TCN1: variants seen among roughly 807,000 people sequenced by gnomAD.
TCN1 encodes transcobalamin 1.
Under a neutral mutation model 46.3 loss-of-function variants are expected in TCN1, and 47 were observed. The observed-to-expected ratio is 1.01, with a 90% confidence interval of 0.80 to 1.29. TCN1 has a LOEUF of 1.29. TCN1 is among the 50% of genes most tolerant of loss of function. The probability of loss-of-function intolerance (pLI) is 0.00; values close to 1 mark genes in which losing one functional copy is unlikely to be tolerated. For missense variants in TCN1, 532 were observed against 511.0 expected, an observed-to-expected ratio of 1.04 and a Z score of -0.40; for synonymous variants, 183 against 192.5, an observed-to-expected ratio of 0.95 and a Z score of 0.41.
rs756143799 is a variant in TCN1 at position 59,853,271 on chromosome 11, C to T, written c.1172G>A (p.Gly391Asp). The T allele has an allele frequency of 5.0e-6, 8 of 1,614,098 alleles. No homozygotes were observed. Among genetic ancestry groups the T allele is most frequent in the South Asian group, 2.2e-5 (2 of 91,074 alleles). ...TCTGTCATTATTGTTGGCACATAGG[C>T]CCTGAATACAGGTGATATAGGGCCC... ...SWGPYITCIQ[G>D]LCANNNDRTY... The change falls in exon 8 of 9, where the codon GGC becomes GAC. Residue 391 changes from glycine to aspartate, a missense_variant. By Grantham distance (94) the Gly-to-Asp change is moderately conservative (BLOSUM62 -1). Transcript: ENST00000257264.
intron 2 of TCN1, 61 bp from the exon 3 acceptor site, chr11:59,862,783 A>G: frequency 6.3e-7 from 1 of 1,597,236 alleles, no homozygotes; most frequent in Non-Finnish European, 8.6e-7. Flanking sequence ...GGGCCTCCTG[A>G]TTTCCTTGAG....
rs757711455 is a variant in TCN1 at position 59,866,382 on chromosome 11, G to T, written c.79+10C>A. 1 of 1,612,940 alleles carries T rather than the reference G, an allele frequency of 6.2e-7. No homozygotes were observed. Among genetic ancestry groups the T allele is most frequent in the South Asian group, 1.1e-5 (1 of 91,058 alleles). ...CACTCTAGAGTAATTTTAGCTCAAA[G>T]TTTACTCACCACAAATCTCGCATAG... On this transcript the variant is annotated intron_variant, in intron 1 of 8. Coordinates refer to ENST00000257264, the MANE Select transcript of TCN1 (RefSeq NM_001062.4).
intron 3 of TCN1, 116 bp downstream of exon 3, chr11:59,862,466 C>T (rs1853025419): frequency 1.5e-6 from 2 of 1,309,434 alleles, no homozygotes; most frequent in Non-Finnish European, 2.2e-6. Flanking sequence ...CCCTCAAAGA[C>T]ATAGTGAGAT....
At chr11:59,865,050 G>T (rs912304883) in intron 1 of TCN1, among the ~76,000 whole-genome samples, 1 of 152,128 alleles carries the variant, frequency 6.6e-6, no homozygotes, top group South Asian at 2.1e-4. Context: ...AGAAACCACC[G>T]AATAAACTGT....
chr11:59,864,175 G>A, intron 1 of TCN1, 89 bp from the exon 2 acceptor site: 1 of 1,454,020 alleles, frequency 6.9e-7, no homozygotes, highest in Admixed American at 1.7e-5. Context: ...TTTAGTAACA[G>A]ATATGGCACA....
chr11:59,856,007 G>T lies in TCN1; in HGVS notation c.799C>A (p.Gln267Lys). Residue 267 changes from glutamine to lysine, a missense_variant, in exon 6 of 9, where the codon CAA becomes AAA. Coordinates refer to ENST00000257264, the MANE Select transcript of TCN1 (RefSeq NM_001062.4). Reference protein sequence around the residue: ...YYNENDWNCQQTLNTVLTEIS... With the variant: ...YYNENDWNCQKTLNTVLTEIS... ...TCCGTGAGCACTGTATTCAGAGTTT[G>T]TTGGCAATTCCAGTCATTTTCATTA... is the stretch of plus-strand genomic sequence containing the variant. The T allele has an allele frequency of 1.4e-6, 2 of 1,427,990 alleles. No homozygotes were observed. The highest frequency in any genetic ancestry group is 1.1e-5 in the South Asian group (1 of 88,942). 88.5% of individuals were successfully genotyped at this position (1,427,990 alleles called of 1,614,324 possible).
chr11:59,853,202 C>G lies in TCN1; in HGVS notation c.1240+1G>C. 6.2e-7 allele frequency: 1 copy of G among 1,614,120 alleles called. No individual in the cohort carries two copies. The highest frequency in any genetic ancestry group is 8.5e-7 in the Non-Finnish European group (1 of 1,179,990). ...GTCTTTTTGGCATGTCTCTCCCTTACCTTGGCTCAGTGGTTCGCCTCCACT... is the reference window on the plus strand; with the variant it reads ...GTCTTTTTGGCATGTCTCTCCCTTAGCTTGGCTCAGTGGTTCGCCTCCACT... On this transcript the variant is annotated splice_donor_variant, in intron 8 of 8. Transcript: ENST00000257264. LOFTEE classifies it high-confidence loss of function.
chr11:59,855,182 C>T (rs1459965768), intron 6 of TCN1, among the ~76,000 whole-genome samples: 1 of 151,902 alleles, frequency 6.6e-6, no homozygotes, highest in Non-Finnish European at 1.5e-5. Flanking sequence ...CTTTTTATTG[C>T]TTAACGTTTA....
intron 4 of TCN1, 48 bp downstream of exon 4, chr11:59,861,479 C>T: frequency 6.2e-7 from 1 of 1,600,152 alleles, no homozygotes; most frequent in Non-Finnish European, 8.6e-7. Flanking sequence ...GCAAGACCTA[C>T]TGGTGACCAT....
chr11:59,862,833 A>T, intron 2 of TCN1, 111 bp from the exon 3 acceptor site: 1 of 1,236,918 alleles, frequency 8.1e-7, no homozygotes, highest in Non-Finnish European at 1.2e-6. Flanking sequence ...GTTGCGCTCT[A>T]TACAGTCTTG....
In TCN1 at chr11:59,853,318, G is replaced by A; in HGVS notation, c.1125C>T (p.Phe375=). 1 of 1,613,398 alleles carries A rather than the reference G, an allele frequency of 6.2e-7. No homozygotes were observed. The highest frequency in any genetic ancestry group is 8.5e-7 in the Non-Finnish European group (1 of 1,179,388). The change falls in exon 8 of 9, where the codon TTC becomes TTT. Residue 375 remains phenylalanine, a synonymous_variant. Coordinates refer to ENST00000257264, the MANE Select transcript of TCN1 (RefSeq NM_001062.4). ...AQKMNDTIFG[F]TMEERSWGPY... is the part of the protein sequence containing the mutation. ...GCCCCCATGAGCGCTCCTCCATTGT[G>A]AAACTGTGGGTGACAGCAAGTAGGT...
intron 2 of TCN1, among the ~76,000 whole-genome samples, chr11:59,863,090 A>G (rs1853034591): frequency 6.6e-6 from 1 of 152,194 alleles, no homozygotes; most frequent in Admixed American, 6.5e-5. Flanking sequence ...GAAAAGGTAC[A>G]ATAAAAATAC....
At chr11:59,853,459 G>T in intron 7 of TCN1, 138 bp from the exon 8 acceptor site, 1 of 839,122 alleles carries the variant, frequency 1.2e-6, no homozygotes, top group South Asian at 1.4e-5. Context: ...CCTATCCATA[G>T]ATATTTTTAT....
intron 1 of TCN1, among the ~76,000 whole-genome samples, chr11:59,865,198 TG>T (rs1853061035): frequency 6.6e-6 from 1 of 152,128 alleles, no homozygotes; most frequent in Non-Finnish European, 1.5e-5. Flanking sequence ...ATAGAGTGAT[TG>T]TAGAAAGGTC....
chr11:59,861,806 G>T (rs1403648116), intron 3 of TCN1, 124 bp from the exon 4 acceptor site: 1 of 1,120,882 alleles, frequency 8.9e-7, no homozygotes, highest in African/African-American at 1.6e-5. Flanking sequence ...TAATAGAAGG[G>T]GGAGGTCACC....
At chr11:59,858,751 C>T (rs1239176911) in intron 5 of TCN1, among the ~76,000 whole-genome samples, 2 of 152,146 alleles carry the variant, frequency 1.3e-5, no homozygotes, top group African/African-American at 4.8e-5. Context: ...AGTGGATCAC[C>T]TGAGGTCAGG....
Position 59,863,907 on chromosome 11 carries a change from A to G in TCN1, c.259T>C (p.Leu87=). Residue 87 remains leucine, a splice_region_variant and synonymous_variant, in exon 2 of 9, where the codon TTG becomes CTG. Transcript: ENST00000257264. ...QQIKYNVKSR[L]SDVSSGELAL... is the part of the protein sequence containing the mutation. ...TCTTCCAGAATATACAGCAACTTAC[A>G]TCTGCTTTTCACATTGTATTTGATT... The G allele has an allele frequency of 6.2e-7, 1 of 1,613,756 alleles. No homozygotes were observed. The highest frequency in any genetic ancestry group is 8.5e-7 in the Non-Finnish European group (1 of 1,179,696).
chr11:59,853,289 T>C lies in TCN1; in HGVS notation c.1154A>G (p.Tyr385Cys). 2 of 1,614,104 alleles carry C rather than the reference T, an allele frequency of 1.2e-6. No homozygotes were observed. Among genetic ancestry groups the C allele is most frequent in the South Asian group, 1.1e-5 (1 of 91,074 alleles). ...ACATAGGCCCTGAATACAGGTGATA[T>C]AGGGCCCCCATGAGCGCTCCTCCAT... ...FTMEERSWGP[Y>C]ITCIQGLCAN... The change falls in exon 8 of 9, where the codon TAT (tyrosine) becomes TGT (cysteine). Residue 385 changes from tyrosine (Y) to cysteine (C), a missense_variant. Tyr to Cys is a radical substitution (Grantham distance 194, BLOSUM62 -2). Coordinates refer to ENST00000257264, the MANE Select transcript of TCN1 (RefSeq NM_001062.4).
rs911610472 is a variant in TCN1 at position 59,852,898 on chromosome 11, A to G, written c.*77T>C. On this transcript the variant is annotated 3_prime_UTR_variant, in exon 9 of 9. Coordinates refer to ENST00000257264, the MANE Select transcript of TCN1 (RefSeq NM_001062.4). ...CTCCTGCTCGTACTGGGATAAATGA[A>G]GAAGAAGGCATAAGGACAATAAACA... 1.5e-5 allele frequency: 19 copies of G among 1,304,242 alleles called. No individual in the cohort carries two copies. In the East Asian group the frequency reaches 4.4e-4, roughly 30 times the overall value. 80.8% of individuals were successfully genotyped at this position (1,304,242 alleles called of 1,614,324 possible). A position where few individuals can be genotyped will look rare whatever the true frequency, so the allele number is the denominator to read the frequency against.
Sources: allele counts gnomAD v4.1 joint callset (sites outside exome capture counted in the v4.1 genomes callset), GRCh38; gene constraint gnomAD v4.1.1; transcripts MANE v1.5; gene names NCBI Gene and HGNC (gene_info 2026-07-23, HGNC 2026-07-21).